Variants in SLC25A21 observed in about 807,000 individuals in gnomAD.
SLC25A21 encodes mitochondrial 2-oxodicarboxylate carrier.
A neutral mutation model predicts 43.8 loss-of-function variants in SLC25A21; 47 were observed. The observed-to-expected ratio is 1.07, with a 90% CI of 0.85 to 1.37. The LOEUF is 1.37. Ranked by LOEUF, SLC25A21 falls within the 40% of genes most tolerant of loss-of-function variation. The pLI is 0.00. For synonymous variants in SLC25A21, 131 were observed against 121.3 expected (o/e 1.08, Z -0.52); for missense variants, 352 against 350.2 (o/e 1.00, Z -0.04).
At chr14:36,875,111 G>A (rs1286760356) in intron 1 of SLC25A21, 107 bp from the exon 2 acceptor site, 3 of 776,944 alleles carry the variant, frequency 3.9e-6, no homozygotes, top group African/African-American at 3.5e-5. Flanking sequence ...AAGAACTTGG[G>A]ACTTCGGATA....
intron 1 of SLC25A21, among the ~76,000 whole-genome samples, chr14:37,126,520 A>G (rs1963300359): frequency 6.6e-6 from 1 of 151,826 alleles, no homozygotes; most frequent in Non-Finnish European, 1.5e-5. Context: ...TTTACATTAC[A>G]AGTTTTTGAG....
At chr14:37,039,127 G>C (rs922970904) in intron 1 of SLC25A21, among the ~76,000 whole-genome samples, 5 of 152,208 alleles carry the variant, frequency 3.3e-5, no homozygotes, top group Admixed American at 3.3e-4. Flanking sequence ...GTGAGGGGTG[G>C]GTGCCACTGT....
chr14:37,118,014 AATG>A (rs1337538582), intron 1 of SLC25A21, among the ~76,000 whole-genome samples: 2 of 152,012 alleles, frequency 1.3e-5, no homozygotes, highest in Admixed American at 1.3e-4. Context: ...TTATAGTTTA[AATG>A]ATAATAGCCC....
At chr14:36,719,984 T>C (rs1364133949) in intron 6 of SLC25A21, among the ~76,000 whole-genome samples, 3 of 152,170 alleles carry the variant, frequency 2.0e-5, no homozygotes, top group Admixed American at 6.5e-5. Context: ...ACTTCAGCTC[T>C]GTGCCGTGCT....
intron 1 of SLC25A21, among the ~76,000 whole-genome samples, chr14:36,972,196 T>C (rs545034623): frequency 2.0e-5 from 3 of 152,186 alleles, no homozygotes; most frequent in Non-Finnish European, 2.9e-5. Flanking sequence ...CTAGGAGCAA[T>C]AGGTTATAGC....
chr14:36,697,738 C>CTTTTTTTTTTTTTTTTTTTTTTTTTTT (rs757711209), intron 7 of SLC25A21, among the ~76,000 whole-genome samples: 3 of 111,656 alleles, frequency 2.7e-5, no homozygotes, highest in Admixed American at 9.4e-5. Flanking sequence ...GCAAGCCCTA[C>CTTTTTTTTTTTTTTTTTTTTTTTTTTT]TTTTTTTTTT....
chr14:36,932,783 A>G (rs924806865), intron 1 of SLC25A21, among the ~76,000 whole-genome samples: 1 of 151,790 alleles, frequency 6.6e-6, no homozygotes, highest in African/African-American at 2.4e-5. Context: ...CGAGAAGGGA[A>G]GGCAGGAAAA....
At chr14:36,896,492 C>A (rs1415695798) in intron 1 of SLC25A21, among the ~76,000 whole-genome samples, 1 of 152,130 alleles carries the variant, frequency 6.6e-6, no homozygotes, top group Non-Finnish European at 1.5e-5. Context: ...GACTCTTTAT[C>A]CAATTTGCCA....
At chr14:37,011,005 G>C (rs542885576) in intron 1 of SLC25A21, among the ~76,000 whole-genome samples, 1 of 152,296 alleles carries the variant, frequency 6.6e-6, no homozygotes, top group South Asian at 2.1e-4. Flanking sequence ...TCCTGCCTCA[G>C]CCTCCTGAGT....
intron 1 of SLC25A21, among the ~76,000 whole-genome samples, chr14:36,889,324 G>T (rs548581049): frequency 3.9e-4 from 59 of 152,238 alleles, no homozygotes; most frequent in African/African-American, 1.4e-3. Context: ...GAAACTGACT[G>T]CATGTCATGT....
intron 2 of SLC25A21, among the ~76,000 whole-genome samples, chr14:36,868,973 C>T (rs7157089): frequency 0.44 from 66,920 of 151,978 alleles, 16,095 homozygotes; most frequent in Non-Finnish European, 0.52. Context: ...GATTCTAGCT[C>T]CCAGCAGGGT....
At chr14:36,935,706 G>T (rs939800368) in intron 1 of SLC25A21, among the ~76,000 whole-genome samples, 13 of 152,084 alleles carry the variant, frequency 8.5e-5, no homozygotes, top group South Asian at 6.2e-4. Context: ...AGGAACCTAG[G>T]GGGTGGGATG....
At chr14:36,950,855 T>C (rs1892792600) in intron 1 of SLC25A21, among the ~76,000 whole-genome samples, 1 of 152,236 alleles carries the variant, frequency 6.6e-6, no homozygotes, top group Non-Finnish European at 1.5e-5. Context: ...TGCAAATACC[T>C]AGCTGAAGAA....
intron 2 of SLC25A21, among the ~76,000 whole-genome samples, chr14:36,831,489 A>G (rs1398818203): frequency 6.6e-6 from 1 of 152,164 alleles, no homozygotes; most frequent in Non-Finnish European, 1.5e-5. Flanking sequence ...ATTTCTGTAT[A>G]TAGCTGTACC....
chr14:37,050,986 T>A (rs1340822622), intron 1 of SLC25A21, among the ~76,000 whole-genome samples: 3 of 152,074 alleles, frequency 2.0e-5, no homozygotes, highest in East Asian at 3.9e-4. Flanking sequence ...AATAACTACA[T>A]CTTACACCAC....
intron 1 of SLC25A21, among the ~76,000 whole-genome samples, chr14:37,077,791 A>G (rs1027675804): frequency 1.3e-5 from 2 of 152,232 alleles, no homozygotes; most frequent in African/African-American, 4.8e-5. Flanking sequence ...TATAATATAC[A>G]GTTTTTGGTT....
intron 1 of SLC25A21, among the ~76,000 whole-genome samples, chr14:36,918,034 C>T (rs1891878439): frequency 6.6e-6 from 1 of 152,098 alleles, no homozygotes; most frequent in Non-Finnish European, 1.5e-5. Context: ...ATATCTACAG[C>T]CTTCAAGGCA....
chr14:36,989,053 T>C (rs72667348), intron 1 of SLC25A21, among the ~76,000 whole-genome samples: 13,353 of 152,314 alleles, frequency 0.088, 665 homozygotes, highest in African/African-American at 0.13. Context: ...TACCGCTTTC[T>C]TTTTAGAATT....
chr14:37,106,007 T>C (rs1962904677), intron 1 of SLC25A21, among the ~76,000 whole-genome samples: 1 of 152,162 alleles, frequency 6.6e-6, no homozygotes, highest in South Asian at 2.1e-4. Context: ...CAAATAATAC[T>C]TTTATAATTT....
Sources: allele counts gnomAD v4.1 joint callset (sites outside exome capture counted in the v4.1 genomes callset), GRCh38; gene constraint gnomAD v4.1.1; transcripts MANE v1.5; gene names NCBI Gene and HGNC (gene_info 2026-07-23, HGNC 2026-07-21).